The following FREM3 variants were observed in gnomAD, a reference collection of about 807,000 sequenced individuals.
The protein encoded by FREM3 is FRAS1 related extracellular matrix 3.
A neutral mutation model predicts 129.1 loss-of-function variants in FREM3; 105 were observed. The ratio of observed to expected loss-of-function variants is 0.81; its 90% CI spans 0.69 to 0.96. FREM3 has a LOEUF of 0.96. Ranked by LOEUF, FREM3 falls within the 40% of genes least tolerant of loss-of-function variation. The pLI is 0.00. For missense variants in FREM3, 2,593 were observed against 2,666.3 expected, an observed-to-expected ratio of 0.97 and a Z score of 0.61; for synonymous variants, 1,014 against 1,044.9, an observed-to-expected ratio of 0.97 and a Z score of 0.57.
intron 5 of FREM3, among the ~76,000 whole-genome samples, chr4:143,616,397 A>G (rs1330333055): frequency 6.6e-6 from 1 of 152,214 alleles, no homozygotes; most frequent in Non-Finnish European, 1.5e-5. Flanking sequence ...ACCTATGAAC[A>G]CATCTACAAC....
rs551376384 is a variant in FREM3 at position 143,584,281 on chromosome 4, C to T, written c.6178+1563G>A. 3.7e-4 allele frequency among the ~76,000 whole-genome samples: 56 copies of T among 152,006 alleles called. 1 individual carries two copies. The highest frequency in any genetic ancestry group is 3.4e-3 in the Middle Eastern group (1 of 294). On this transcript the variant is annotated intron_variant, in intron 7 of 7. Coordinates refer to ENST00000329798, the MANE Select transcript of FREM3 (RefSeq NM_001168235.2). ...AAAATTAGCCGGGCGCGGTGGCGGG[C>T]GCCTGTGGTCCCAGCTACTCGGGAG...
chr4:143,650,843 T>G (rs761814864), intron 2 of FREM3, among the ~76,000 whole-genome samples: 33 of 152,196 alleles, frequency 2.2e-4, no homozygotes, highest in Non-Finnish European at 4.4e-5. Flanking sequence ...TCCCACCCTC[T>G]CCAGTGTACA....
Position 143,662,193 on chromosome 4 carries a change from T to C in FREM3, c.5275+30920A>G, listed in dbSNP as rs190210010. Among the ~76,000 whole-genome samples, 444 of 152,322 alleles carry C rather than the reference T, an allele frequency of 2.9e-3. 4 individuals are homozygous for C. Among genetic ancestry groups the C allele is most frequent in the African/African-American group, 0.01 (423 of 41,574 alleles). ...TAATTGTGATGTTAGGGTGTCAGTT[T>C]TGGATCTTTCCTGCTTTCTCTTGTG... On this transcript the variant is annotated intron_variant, in intron 2 of 7. Coordinates refer to ENST00000329798, the MANE Select transcript of FREM3 (RefSeq NM_001168235.2).
rs575252130 is a variant in FREM3, at chr4:143,658,653, T to G, written c.5276-30893A>C. On this transcript the variant is annotated intron_variant, in intron 2 of 7. Transcript: ENST00000329798. ...CCCCTGGGCGGCATGCGGCCCAGGA[T>G]GGCTTTGAATGTGGCCCAACACAAA... Among the ~76,000 whole-genome samples the G allele has an allele frequency of 2.0e-4, 30 of 152,330 alleles. No homozygotes were observed. The South Asian group carries it at 6.2e-3, about 32-fold the overall frequency.
chr4:143,624,456 G>C (rs894677534), intron 3 of FREM3, 118 bp from the exon 4 acceptor site: 3 of 637,714 alleles, frequency 4.7e-6, no homozygotes, highest in Admixed American at 2.8e-5. Context: ...TTCTTTTAAT[G>C]CTCCCAAAAG....
chr4:143,649,875 C>G (rs774486894), intron 2 of FREM3, among the ~76,000 whole-genome samples: 1 of 152,108 alleles, frequency 6.6e-6, no homozygotes, highest in Non-Finnish European at 1.5e-5. Context: ...GTTGAGGACC[C>G]TTTGCATAAA....
At chr4:143,638,574 T>A (rs764467401) in intron 2 of FREM3, among the ~76,000 whole-genome samples, 1 of 152,154 alleles carries the variant, frequency 6.6e-6, no homozygotes, top group Non-Finnish European at 1.5e-5. Context: ...AGCAAGTGAC[T>A]GTGAACTTTC....
chr4:143,636,362 G>T (rs1578844831), intron 2 of FREM3, among the ~76,000 whole-genome samples: 1 of 147,604 alleles, frequency 6.8e-6, no homozygotes, highest in African/African-American at 2.5e-5. Flanking sequence ...AAGACATGGA[G>T]AGATGGTCAA....
intron 2 of FREM3, among the ~76,000 whole-genome samples, chr4:143,635,093 T>C (rs1739212182): frequency 6.6e-6 from 1 of 152,172 alleles, no homozygotes; most frequent in Non-Finnish European, 1.5e-5. Context: ...AGTCAGGGAC[T>C]TTGTGTAGCT....
intron 2 of FREM3, among the ~76,000 whole-genome samples, chr4:143,632,754 A>G (rs974045914): frequency 1.3e-5 from 2 of 152,172 alleles, no homozygotes; most frequent in African/African-American, 4.8e-5. Context: ...CATTGGAGGA[A>G]GAAGAATTAT....
chr4:143,686,811 G>A lies in FREM3; in HGVS notation c.5275+6302C>T, dbSNP rs112209417. Among the ~76,000 whole-genome samples the A allele has an allele frequency of 1.8e-3, 279 of 152,058 alleles. 1 individual carries two copies. Among genetic ancestry groups the A allele is most frequent in the African/African-American group, 6.1e-3 (252 of 41,480 alleles). On this transcript the variant is annotated intron_variant, in intron 2 of 7. Coordinates refer to ENST00000329798, the MANE Select transcript of FREM3 (RefSeq NM_001168235.2). ...AATAACACGACCTATCAAAACCTCT[G>A]GGATACAGCAAAAGTGGTGCTAAGA...
rs77408518 is a variant in FREM3 at position 143,666,555 on chromosome 4, A to G, written c.5275+26558T>C. ...TACAACGGAATATTATTCAGCGTAA[A>G]ACAAAGTGATGATACATGTTAAAAC... On this transcript the variant is annotated intron_variant, in intron 2 of 7. Transcript: ENST00000329798. 8.5e-3 allele frequency among the ~76,000 whole-genome samples: 1,299 copies of G among 152,300 alleles called. 24 individuals are homozygous for G. Among genetic ancestry groups the G allele is most frequent in the African/African-American group, 0.029 (1,218 of 41,584 alleles).
chr4:143,679,340 A>G (rs758371460), intron 2 of FREM3, among the ~76,000 whole-genome samples: 35 of 152,248 alleles, frequency 2.3e-4, no homozygotes, highest in Non-Finnish European at 3.5e-4. Context: ...GACTGATTCA[A>G]TCTTGGATGG....
intron 2 of FREM3, among the ~76,000 whole-genome samples, chr4:143,653,252 C>T (rs564013283): frequency 1.6e-4 from 25 of 152,290 alleles, no homozygotes; most frequent in African/African-American, 4.6e-4. Flanking sequence ...CTGAAGTCAA[C>T]GTATTAGCTG....
intron 7 of FREM3, among the ~76,000 whole-genome samples, chr4:143,582,574 T>A (rs1412635175): frequency 6.6e-6 from 1 of 152,126 alleles, no homozygotes; most frequent in Non-Finnish European, 1.5e-5. Flanking sequence ...GAGAAAGAAC[T>A]AGCGTAAGAA....
intron 2 of FREM3, among the ~76,000 whole-genome samples, chr4:143,651,468 A>C (rs1031170754): frequency 6.6e-6 from 1 of 152,180 alleles, no homozygotes; most frequent in African/African-American, 2.4e-5. Flanking sequence ...ACTGGCAAGC[A>C]CTCCAGTGCC....
At chr4:143,624,391 G>A in intron 3 of FREM3, 53 bp from the exon 4 acceptor site, 1 of 1,114,112 alleles carries the variant, frequency 9.0e-7, no homozygotes, top group South Asian at 1.4e-5. Context: ...TGAAGGCATA[G>A]TCTCCTTTCA....
intron 6 of FREM3, among the ~76,000 whole-genome samples, chr4:143,588,195 TAAAATGCA>T (rs1180026526): frequency 6.6e-6 from 1 of 152,200 alleles, no homozygotes; most frequent in Non-Finnish European, 1.5e-5. Flanking sequence ...AGCACCTCTT[TAAAATGCA>T]AAAATGTTAA....
At chr4:143,657,473 CA>C (rs200147907) in intron 2 of FREM3, among the ~76,000 whole-genome samples, 243 of 152,250 alleles carry the variant, frequency 1.6e-3, no homozygotes, top group African/African-American at 5.6e-3. Flanking sequence ...ATCCCAGAGC[CA>C]GCAAACAGCA....
Sources: gnomAD v4.1 joint callset for allele counts (sites outside exome capture counted in the v4.1 genomes callset) on GRCh38, gnomAD v4.1.1 for gene constraint, MANE v1.5 for transcripts, NCBI Gene and HGNC (gene_info 2026-07-23, HGNC 2026-07-21) for gene names.